OSBPL6: variants seen among roughly 807,000 people sequenced by gnomAD.
OSBPL6 encodes oxysterol-binding protein-related protein 6.
In OSBPL6, 49 loss-of-function variants were observed where a neutral mutation model predicts 125.8. That is an observed-to-expected ratio of 0.39 (90% CI 0.31 to 0.49). The LOEUF is 0.49. OSBPL6 is among the 20% of genes least tolerant of loss of function. The probability of loss-of-function intolerance (pLI) is 0.88; values close to 1 mark genes in which losing one functional copy is unlikely to be tolerated. For missense variants in OSBPL6, 986 were observed against 1,135.4 expected (o/e 0.87, Z 1.89); for synonymous variants, 394 against 391.8 (o/e 1.01, Z -0.07).
At chr2:178,197,627 C>T (rs1559105043) in intron 1 of OSBPL6, among the ~76,000 whole-genome samples, 1 of 151,918 alleles carries the variant, frequency 6.6e-6, no homozygotes, top group Non-Finnish European at 1.5e-5. Flanking sequence ...TCATAATAAA[C>T]AGAACAATTA....
intron 1 of OSBPL6, among the ~76,000 whole-genome samples, chr2:178,277,981 G>C (rs756614394): frequency 6.6e-6 from 1 of 152,156 alleles, no homozygotes; most frequent in Non-Finnish European, 1.5e-5. Flanking sequence ...GACCTTCCAC[G>C]CTGTTTCAAA....
intron 1 of OSBPL6, among the ~76,000 whole-genome samples, chr2:178,235,076 A>G (rs895867896): frequency 2.0e-5 from 3 of 152,224 alleles, no homozygotes; most frequent in African/African-American, 7.2e-5. Flanking sequence ...CTGTTATACA[A>G]AGAACATACT....
intron 22 of OSBPL6, 84 bp downstream of exon 22, chr2:178,391,301 T>G (rs1181526215): frequency 7.3e-7 from 1 of 1,375,820 alleles, no homozygotes; most frequent in East Asian, 2.5e-5. Flanking sequence ...CTTATGCAAC[T>G]CACATTATGT....
chr2:178,228,415 G>A (rs1335733514), intron 1 of OSBPL6, among the ~76,000 whole-genome samples: 1 of 152,178 alleles, frequency 6.6e-6, no homozygotes, highest in Non-Finnish European at 1.5e-5. Flanking sequence ...TGCGCCTGTA[G>A]TCTCAGCTAC....
chr2:178,337,911 A>T (rs538951611), intron 9 of OSBPL6, among the ~76,000 whole-genome samples: 1 of 152,146 alleles, frequency 6.6e-6, no homozygotes, highest in Non-Finnish European at 1.5e-5. Flanking sequence ...AATTTTTAGC[A>T]ACTGACCACA....
chr2:178,344,266 C>T (rs1236463286), intron 11 of OSBPL6: 1 of 1,608,954 alleles, frequency 6.2e-7, no homozygotes, highest in South Asian at 1.1e-5. Context: ...TTCCTCCCCT[C>T]TTCTCCCATT....
At chr2:178,294,121 C>A (rs1319355069) in intron 2 of OSBPL6, among the ~76,000 whole-genome samples, 1 of 152,088 alleles carries the variant, frequency 6.6e-6, no homozygotes, top group Non-Finnish European at 1.5e-5. Context: ...GAATTATCAG[C>A]AGTCACCATG....
intron 13 of OSBPL6, among the ~76,000 whole-genome samples, chr2:178,364,009 G>A (rs541457360): frequency 6.6e-5 from 10 of 152,212 alleles, no homozygotes; most frequent in Non-Finnish European, 1.0e-4. Flanking sequence ...ATCTATTCCC[G>A]TCACCTCTAA....
Position 178,394,383 on chromosome 2 carries a change from C to T in OSBPL6, c.2644C>T (p.Arg882Trp), listed in dbSNP as rs754613160. 50 of 1,612,896 alleles carry T rather than the reference C, an allele frequency of 3.1e-5. No homozygotes were observed. Among genetic ancestry groups the T allele is most frequent in the Non-Finnish European group, 3.9e-5 (46 of 1,179,528 alleles). The change falls in exon 24 of 25, where the codon CGG becomes TGG. Residue 882 changes from arginine (R) to tryptophan (W), a missense_variant. Arg to Trp is a moderately radical substitution (Grantham distance 101). This residue lies in a region of OSBPL6 where 843 missense variants were observed against 997.3 expected (regional missense o/e 0.85). Coordinates refer to ENST00000190611, the MANE Select transcript of OSBPL6 (RefSeq NM_032523.4). The part of the protein sequence containing the change: ...KQRVEELQRS[R>W]RRYMEENNLE... Reference sequence around the variant, plus strand: ...AAGAGTAGAGGAACTCCAGAGATCTCGGAGACGATATATGGAAGAAAACAA... The same window carrying T: ...AAGAGTAGAGGAACTCCAGAGATCTTGGAGACGATATATGGAAGAAAACAA...
Position 178,338,989 on chromosome 2 carries a change from A to G in OSBPL6, c.791-2A>G. On this transcript the variant is annotated splice_acceptor_variant, in intron 9 of 24. Coordinates refer to ENST00000190611, the MANE Select transcript of OSBPL6 (RefSeq NM_032523.4). LOFTEE classifies it high-confidence loss of function. ...GTATTTTTATTTCTGATTTCTTATT[A>G]GATCTTGCACATTGCCAGTCAAACC... The G allele has an allele frequency of 6.2e-7, 1 of 1,605,328 alleles. No individual in the cohort carries two copies. Among genetic ancestry groups the G allele is most frequent in the East Asian group, 2.2e-5 (1 of 44,586 alleles).
chr2:178,199,575 C>A (rs917408294), intron 1 of OSBPL6, among the ~76,000 whole-genome samples: 8 of 151,184 alleles, frequency 5.3e-5, no homozygotes, highest in African/African-American at 9.7e-5. Flanking sequence ...TGCAAGATAA[C>A]CATTAAGGGT....
intron 1 of OSBPL6, among the ~76,000 whole-genome samples, chr2:178,203,442 G>A (rs1315631174): frequency 6.6e-6 from 1 of 152,188 alleles, no homozygotes; most frequent in Non-Finnish European, 1.5e-5. Flanking sequence ...CTCTAGAAGT[G>A]TTATTTGGGT....
rs375663906 is a variant in OSBPL6 at position 178,332,989 on chromosome 2, C to G, written c.605C>G (p.Thr202Arg). The G allele has an allele frequency of 6.9e-5, 111 of 1,614,116 alleles. 1 individual carries two copies. In the East Asian group the frequency reaches 2.2e-3, roughly 32 times the overall value. The change falls in exon 8 of 25, where the codon ACG becomes AGG. Residue 202 changes from threonine to arginine, a missense_variant. By Grantham distance (71) the Thr-to-Arg change is moderately conservative (BLOSUM62 -1). Transcript: ENST00000190611. The part of the protein sequence containing the change: ...RDASFHIFPS[T>R]STAESSPAAN... Reference sequence around the variant, plus strand: ...GCTAGTTTTCACATATTTCCTTCAACGTCCACAGCTGAATCCTCACCAGCT... The same window carrying G: ...GCTAGTTTTCACATATTTCCTTCAAGGTCCACAGCTGAATCCTCACCAGCT...
intron 1 of OSBPL6, among the ~76,000 whole-genome samples, chr2:178,236,043 CT>C (rs563516017): frequency 5.3e-5 from 8 of 151,336 alleles, no homozygotes; most frequent in South Asian, 2.1e-4. Context: ...ACAAGTTAGA[CT>C]TTTTTTTTAC....
rs200223014 is a variant in OSBPL6 at position 178,391,187 on chromosome 2, G to T, written c.2416G>T (p.Ala806Ser). 6.8e-6 allele frequency: 11 copies of T among 1,611,070 alleles called. No homozygotes were observed. In the East Asian group the frequency reaches 1.6e-4, roughly 23 times the overall value. Residue 806 changes from alanine to serine, a missense_variant, in exon 22 of 25, where the codon GCC becomes TCC. By Grantham distance (99) the Ala-to-Ser change is moderately conservative. Around this residue, in one of 3 missense-constraint regions of OSBPL6, gnomAD observed 843 missense variants for 997.3 expected, o/e 0.85. Transcript: ENST00000190611. The part of the protein sequence containing the change: ...KWHEGLYCGV[A>S]PSAKCIWRPG... The stretch of plus-strand genomic sequence containing the variant: ...GCATGAAGGACTCTACTGTGGTGTG[G>T]CCCCCTCTGCAAAGTGCATTTGGAG...
intron 1 of OSBPL6, among the ~76,000 whole-genome samples, chr2:178,196,435 C>T (rs984176925): frequency 6.6e-6 from 1 of 152,168 alleles, no homozygotes; most frequent in African/African-American, 2.4e-5. Context: ...ATTATACATT[C>T]AGTGGATGGA....
Position 178,361,690 on chromosome 2 carries a change from C to T in OSBPL6, c.1162C>T (p.Leu388Phe). The change falls in exon 13 of 25, where the codon CTT (leucine) becomes TTT (phenylalanine). Residue 388 changes from leucine (L) to phenylalanine (F), a missense_variant. Transcript: ENST00000190611. ...FCLIAQKVHS[L>F]LKSAFNSIAI... ...CTTTTCTCCCCACCCAGTGCATTCT[C>T]TTTTGAAGTCTGCATTTAATAGCAT... 1.2e-6 allele frequency: 2 copies of T among 1,614,000 alleles called. No individual in the cohort carries two copies. The highest frequency in any genetic ancestry group is 1.7e-6 in the Non-Finnish European group (2 of 1,179,910).
At position 178,309,692 on chromosome 2, in the gene OSBPL6, C is replaced by T. The variant is rs866934484; in HGVS notation, c.102+3406C>T. ...TTTAATAATTGTTCCATTTGCATTT[C>T]ACTAAATCTGATATGAGCTGTTAGA... On this transcript the variant is annotated intron_variant, in intron 3 of 24. Transcript: ENST00000190611. 3.3e-5 allele frequency among the ~76,000 whole-genome samples: 5 copies of T among 152,166 alleles called. No individual in the cohort carries two copies. The East Asian group carries it at 9.6e-4, about 29-fold the overall frequency.
At chr2:178,227,586 A>G (rs2090617311) in intron 1 of OSBPL6, among the ~76,000 whole-genome samples, 2 of 152,360 alleles carry the variant, frequency 1.3e-5, no homozygotes, top group South Asian at 4.1e-4. Flanking sequence ...AAACTGTGGT[A>G]TAGTCATCCA....
Sources: gnomAD v4.1 joint callset for allele counts (sites outside exome capture counted in the v4.1 genomes callset) on GRCh38, gnomAD v4.1.1 for gene constraint, gnomAD v4.1.1 regional missense constraint, MANE v1.5 for transcripts, NCBI Gene and HGNC (gene_info 2026-07-23, HGNC 2026-07-21) for gene names.